Variants in THADA observed in about 807,000 individuals in gnomAD.
THADA encodes THADA armadillo repeat containing, also known as tRNA (32-2'-O)-methyltransferase regulator THADA.
Under a neutral mutation model 219.8 loss-of-function variants are expected in THADA, and 213 were observed. The ratio of observed to expected loss-of-function variants is 0.97; its 90% CI spans 0.87 to 1.09. The LOEUF is 1.09. Among genes scored for constraint, THADA ranks in the 50% least tolerant of loss-of-function variants. The pLI, the probability that THADA is intolerant of heterozygous loss-of-function variation, is 0.00. For missense variants in THADA, 2,956 were observed against 2,311.3 expected, an observed-to-expected ratio of 1.28 and a Z score of -5.72; for synonymous variants, 1,018 against 828.9, an observed-to-expected ratio of 1.23 and a Z score of -3.92.
chr2:43,448,940 C>G (rs1380764846), intron 26 of THADA, among the ~76,000 whole-genome samples: 3 of 151,942 alleles, frequency 2.0e-5, no homozygotes, highest in East Asian at 1.9e-4. Context: ...TACAAAGAAA[C>G]AGGGAAAGAT....
intron 23 of THADA, 132 bp downstream of exon 23, chr2:43,508,516 A>G (rs1689984930): frequency 1.1e-6 from 1 of 884,410 alleles, no homozygotes; most frequent in African/African-American, 1.7e-5. Context: ...ACAAAGCCAC[A>G]AATGCTATGG....
At chr2:43,474,139 G>A (rs1685237221) in intron 26 of THADA, among the ~76,000 whole-genome samples, 1 of 152,200 alleles carries the variant, frequency 6.6e-6, no homozygotes, top group Non-Finnish European at 1.5e-5. Context: ...ACTGCTCTGT[G>A]TTTGTAAACC....
chr2:43,386,239 T>A lies in THADA; in HGVS notation c.4227+11732A>T, dbSNP rs1045536955. 2.0e-5 allele frequency among the ~76,000 whole-genome samples: 3 copies of A among 151,776 alleles called. No individual in the cohort carries two copies. The East Asian group carries it at 5.8e-4, about 29-fold the overall frequency. ...TACAAATTCATACCTCAATTAATAA[T>A]CCCATTCACTTGATGTAGAAAAGGC... is the stretch of plus-strand genomic sequence containing the variant. On this transcript the variant is annotated intron_variant, in intron 29 of 37. Coordinates refer to ENST00000405975, the MANE Select transcript of THADA (RefSeq NM_022065.5).
At chr2:43,425,922 C>CA (rs1215362999) in intron 28 of THADA, among the ~76,000 whole-genome samples, 1 of 152,124 alleles carries the variant, frequency 6.6e-6, no homozygotes, top group Non-Finnish European at 1.5e-5. Flanking sequence ...TCTGTTACAC[C>CA]AAAATAACCT....
intron 28 of THADA, among the ~76,000 whole-genome samples, chr2:43,413,312 C>T (rs1306297376): frequency 6.6e-6 from 1 of 152,074 alleles, no homozygotes; most frequent in Non-Finnish European, 1.5e-5. Flanking sequence ...CAGTCTAGTC[C>T]TAAAACCCCA....
chr2:43,366,415 T>A (rs746570690), intron 29 of THADA, among the ~76,000 whole-genome samples: 5 of 152,044 alleles, frequency 3.3e-5, no homozygotes, highest in Non-Finnish European at 5.9e-5. Flanking sequence ...GATAAAGAGG[T>A]CAGAGTGATC....
Position 43,368,066 on chromosome 2 carries a change from C to T in THADA, c.4228-23829G>A, listed in dbSNP as rs551607922. Among the ~76,000 whole-genome samples the T allele has an allele frequency of 2.4e-4, 36 of 152,128 alleles. 1 individual carries two copies. In the East Asian group the frequency reaches 6.0e-3, roughly 25 times the overall value. ...CCGGGACGCAGAGGTTGCAGTGAGCCGAGATCACGCCATTGCACTCCAGCC... is the reference window on the plus strand; with the variant it reads ...CCGGGACGCAGAGGTTGCAGTGAGCTGAGATCACGCCATTGCACTCCAGCC... On this transcript the variant is annotated intron_variant, in intron 29 of 37. Transcript: ENST00000405975.
intron 7 of THADA, among the ~76,000 whole-genome samples, chr2:43,583,455 C>T (rs1700674870): frequency 6.6e-6 from 1 of 152,192 alleles, no homozygotes; most frequent in Non-Finnish European, 1.5e-5. Context: ...CAGTTCTCAA[C>T]ACAGCAAAAC....
intron 26 of THADA, among the ~76,000 whole-genome samples, chr2:43,450,522 G>T (rs961871535): frequency 6.6e-6 from 1 of 151,638 alleles, no homozygotes; most frequent in African/African-American, 2.4e-5. Context: ...CAAAGGAAAT[G>T]ATGAGGAAAT....
chr2:43,592,380 T>G lies in THADA; in HGVS notation c.13A>C (p.Lys5Gln). 3 of 1,603,016 alleles carry G rather than the reference T, an allele frequency of 1.9e-6. No individual in the cohort carries two copies. The highest frequency in any genetic ancestry group is 1.7e-6 in the Non-Finnish European group (2 of 1,174,250). Residue 5 changes from lysine to glutamine, a missense_variant, in exon 2 of 38, where the codon AAG becomes CAG. Transcript: ENST00000405975. Reference sequence around the variant, plus strand: ...GCAGCAACTTGCATTTCTTTCTTCTTCTTTACACCCATTTTAAATAGAATT... The same window carrying G: ...GCAGCAACTTGCATTTCTTTCTTCTGCTTTACACCCATTTTAAATAGAATT... MGVK[K>Q]KKEMQVAALT...
At chr2:43,491,313 A>C (rs919438825) in intron 25 of THADA, among the ~76,000 whole-genome samples, 7 of 152,248 alleles carry the variant, frequency 4.6e-5, no homozygotes, top group Non-Finnish European at 1.0e-4. Context: ...GCAATAAAAC[A>C]TGTCCCTTTT....
At chr2:43,278,676 G>A (rs1673002038) in intron 36 of THADA, among the ~76,000 whole-genome samples, 1 of 152,126 alleles carries the variant, frequency 6.6e-6, no homozygotes, top group South Asian at 2.1e-4. Flanking sequence ...TCCAAAACTA[G>A]CTTCTTCCAC....
At chr2:43,448,117 T>C (rs1053174269) in intron 26 of THADA, among the ~76,000 whole-genome samples, 1 of 152,176 alleles carries the variant, frequency 6.6e-6, no homozygotes, top group African/African-American at 2.4e-5. Context: ...ACAAAACCAG[T>C]GAAAGAATTC....
chr2:43,540,247 G>A (rs986174657), intron 21 of THADA, among the ~76,000 whole-genome samples: 1 of 152,212 alleles, frequency 6.6e-6, no homozygotes, highest in African/African-American at 2.4e-5. Context: ...ACATAATGAT[G>A]CCTGAAATGT....
rs1572692409 is a variant in THADA, at chr2:43,231,315, G to A, written c.5495C>T (p.Ala1832Val). The A allele has an allele frequency of 6.4e-7, 1 of 1,563,190 alleles. No homozygotes were observed. Among genetic ancestry groups the A allele is most frequent in the East Asian group, 2.2e-5 (1 of 44,508 alleles). The change falls in exon 38 of 38, where the codon GCA becomes GTA. Residue 1832 changes from alanine to valine, a missense_variant. By Grantham distance (64) the Ala-to-Val change is moderately conservative. Transcript: ENST00000405975. ...QVEEDYLFEKAEVNFWAETLI... is the reference protein window; with the variant it reads ...QVEEDYLFEKVEVNFWAETLI... Reference sequence around the variant, plus strand: ...GGTCTCGGCCCAAAAGTTGACTTCTGCTTTTTCAAACAGGTAGTCTTCTTC... The same window carrying A: ...GGTCTCGGCCCAAAAGTTGACTTCTACTTTTTCAAACAGGTAGTCTTCTTC...
At chr2:43,506,293 C>T (rs1201182789) in intron 23 of THADA, among the ~76,000 whole-genome samples, 7 of 152,074 alleles carry the variant, frequency 4.6e-5, no homozygotes, top group African/African-American at 1.7e-4. Flanking sequence ...CAAAGAGGTC[C>T]TATATTTGAA....
rs547394143 is a variant in THADA, at chr2:43,541,426, G to A, written c.3107-110C>T. On this transcript the variant is annotated intron_variant, in intron 20 of 37. Transcript: ENST00000405975. ...AAGAATAATCTGCTTGAACAAACCC[G>A]ATTTGTCATGTTATATTTACTCAGA... 433 of 1,208,678 alleles carry A rather than the reference G, an allele frequency of 3.6e-4. 1 individual carries two copies. Among genetic ancestry groups the A allele is most frequent in the South Asian group, 2.2e-3 (165 of 73,514 alleles). The allele number at this position is 1,208,678 out of a possible 1,614,324, so 74.9% of individuals were successfully genotyped here. A position where few individuals can be genotyped will look rare whatever the true frequency, so the allele number is the denominator to read the frequency against.
intron 26 of THADA, among the ~76,000 whole-genome samples, chr2:43,466,153 T>C (rs139162103): frequency 6.6e-6 from 1 of 152,364 alleles, no homozygotes; most frequent in East Asian, 1.9e-4. Context: ...AAGTGTGTCC[T>C]ATAAAACACA....
At chr2:43,502,550 C>T (rs1573966901) in intron 24 of THADA, among the ~76,000 whole-genome samples, 1 of 147,962 alleles carries the variant, frequency 6.8e-6, no homozygotes, top group South Asian at 2.1e-4. Flanking sequence ...GTGCCACTGC[C>T]CTCCAGCCTA....
Sources: gnomAD v4.1 joint callset for allele counts (sites outside exome capture counted in the v4.1 genomes callset) on GRCh38, gnomAD v4.1.1 for gene constraint, MANE v1.5 for transcripts, NCBI Gene and HGNC (gene_info 2026-07-23, HGNC 2026-07-21) for gene names.